SYN3: variants seen among roughly 807,000 people sequenced by gnomAD.
The protein encoded by SYN3 is synapsin-3.
Under a neutral mutation model 65.8 loss-of-function variants are expected in SYN3, and 35 were observed. The ratio of observed to expected loss-of-function variants is 0.53; its 90% CI spans 0.41 to 0.70. The LOEUF (loss-of-function observed/expected upper bound fraction) is 0.70, where lower values mean the gene tolerates loss of function less well. Ranked by LOEUF, SYN3 falls within the 30% of genes least tolerant of loss-of-function variation. The pLI is 0.00. For missense variants in SYN3, 680 were observed against 749.0 expected (o/e 0.91, Z 1.08); for synonymous variants, 270 against 292.9 (o/e 0.92, Z 0.80).
rs1397302935 is a variant in SYN3, at chr22:32,509,195, G to C, written c.*4497C>G. Among the ~76,000 whole-genome samples the C allele has an allele frequency of 1.3e-5, 2 of 152,154 alleles. No individual in the cohort carries two copies. The highest frequency in any genetic ancestry group is 4.8e-5 in the African/African-American group (2 of 41,428). ...GAAGATCTGGAAGAACTTTTCTGTG[G>C]CTGGTAGAGCTGTCCGCTAAGGCTG... On this transcript the variant is annotated 3_prime_UTR_variant, in exon 14 of 14. Transcript: ENST00000358763.
intron 3 of SYN3, among the ~76,000 whole-genome samples, chr22:32,936,242 TC>T (rs2050772919): frequency 6.6e-6 from 1 of 152,132 alleles, no homozygotes; most frequent in African/African-American, 2.4e-5. Flanking sequence ...GCATTACATA[TC>T]AGTTTTCAGG....
rs539250324 is a variant in SYN3, at chr22:32,812,520, T to C, written c.711+52395A>G. ...TGATTGTGGGAGGGCTTGGTAAAAA[T>C]TGAACCTCATTAACACCACTGAAGA... On this transcript the variant is annotated intron_variant, in intron 6 of 13. Transcript: ENST00000358763. Among the ~76,000 whole-genome samples, 53 of 152,202 alleles carry C rather than the reference T, an allele frequency of 3.5e-4. No homozygotes were observed. In the South Asian group the frequency reaches 9.5e-3, roughly 27 times the overall value.
chr22:32,631,271 G>C (rs936369586), intron 6 of SYN3, among the ~76,000 whole-genome samples: 5 of 150,946 alleles, frequency 3.3e-5, no homozygotes, highest in African/African-American at 1.2e-4. Context: ...CTCCAGCCTG[G>C]GTGACAAGAG....
intron 6 of SYN3, among the ~76,000 whole-genome samples, chr22:32,763,093 T>TA (rs1278931929): frequency 6.6e-6 from 1 of 152,216 alleles, no homozygotes; most frequent in Non-Finnish European, 1.5e-5. Context: ...ATCTTTTTTT[T>TA]AAAGTGTAAC....
intron 1 of SYN3, chr22:33,057,874 G>A (rs1417988196): frequency 6.6e-6 from 1 of 152,330 alleles, no homozygotes; most frequent in African/African-American, 2.4e-5. Flanking sequence ...CAGGTCATGA[G>A]GGGTCTGGGG....
intron 11 of SYN3, among the ~76,000 whole-genome samples, 154 bp from the exon 12 acceptor site, chr22:32,528,159 A>G (rs938893933): frequency 6.6e-6 from 1 of 152,230 alleles, no homozygotes; most frequent in Admixed American, 6.5e-5. Context: ...GTGAAGTTCT[A>G]TATGTGTATA....
chr22:32,897,751 C>T (rs561539434), intron 4 of SYN3, among the ~76,000 whole-genome samples: 38 of 152,292 alleles, frequency 2.5e-4, no homozygotes, highest in South Asian at 1.0e-3. Flanking sequence ...AAATGCCTGG[C>T]ATGTAGTGAG....
At chr22:32,805,019 G>A (rs1217755737) in intron 6 of SYN3, among the ~76,000 whole-genome samples, 4 of 48,428 alleles carry the variant, frequency 8.3e-5, no homozygotes, top group African/African-American at 2.4e-4. Context: ...GAAAATGTGC[G>A]TGTGTGCGTG....
At chr22:33,054,749 C>G (rs115049357) in intron 1 of SYN3, among the ~76,000 whole-genome samples, 2,181 of 152,350 alleles carry the variant, frequency 0.014, 62 homozygotes, top group African/African-American at 0.049. Context: ...ATTAGTACTT[C>G]ACTCCTTGTT....
chr22:32,634,846 G>A (rs1476929877), intron 6 of SYN3, among the ~76,000 whole-genome samples: 2 of 152,184 alleles, frequency 1.3e-5, no homozygotes, highest in South Asian at 2.1e-4. Flanking sequence ...CTTGTGGCCC[G>A]CCGGCCATGT....
At chr22:32,780,630 C>T (rs1281890314) in intron 6 of SYN3, among the ~76,000 whole-genome samples, 1 of 152,114 alleles carries the variant, frequency 6.6e-6, no homozygotes, top group African/African-American at 2.4e-5. Flanking sequence ...TTGCTGTTTT[C>T]GTCACTGGCT....
At chr22:32,920,147 C>T (rs1218047831) in intron 4 of SYN3, among the ~76,000 whole-genome samples, 1 of 152,230 alleles carries the variant, frequency 6.6e-6, no homozygotes, top group African/African-American at 2.4e-5. Flanking sequence ...TGCACATTAT[C>T]AGCCGCTGCG....
chr22:32,974,139 T>C (rs1417725979), intron 3 of SYN3, among the ~76,000 whole-genome samples: 1 of 152,222 alleles, frequency 6.6e-6, no homozygotes. Context: ...AGATTATGCA[T>C]GTCAAGTGCT....
intron 4 of SYN3, among the ~76,000 whole-genome samples, chr22:32,879,020 A>G (rs1441431377): frequency 6.6e-6 from 1 of 152,156 alleles, no homozygotes; most frequent in Non-Finnish European, 1.5e-5. Context: ...GAAAATCACT[A>G]TACTGACTGG....
At chr22:32,578,789 C>T (rs566287203) in intron 7 of SYN3, among the ~76,000 whole-genome samples, 61 of 152,236 alleles carry the variant, frequency 4.0e-4, no homozygotes, top group African/African-American at 1.4e-3. Context: ...TTTGGAAAAG[C>T]ATTGTGTTAG....
chr22:33,000,427 G>A lies in SYN3; in HGVS notation c.311+5925C>T, dbSNP rs989195920. 2.6e-5 allele frequency among the ~76,000 whole-genome samples: 4 copies of A among 152,138 alleles called. 1 individual carries two copies. The highest frequency in any genetic ancestry group is 2.6e-4 in the Admixed American group (4 of 15,278). ...CCTGAAGATGAAAGGTCTCTCTCCA[G>A]GTCACTGGCCAGGTTTTGGATCGTC... On this transcript the variant is annotated intron_variant, in intron 2 of 13. Coordinates refer to ENST00000358763, the MANE Select transcript of SYN3 (RefSeq NM_003490.4).
chr22:32,593,391 T>C (rs2059154534), intron 7 of SYN3, among the ~76,000 whole-genome samples: 1 of 152,184 alleles, frequency 6.6e-6, no homozygotes, highest in Non-Finnish European at 1.5e-5. Context: ...AGTTTAATTC[T>C]TGGGAATGCT....
At position 32,647,763 on chromosome 22, in the gene SYN3, C is replaced by A. The variant is rs550642947; in HGVS notation, c.712-51027G>T. ...AGCTGGGATTACAGGTGCGCGCCAC[C>A]ATATCTGGCTAATTTTTGTATTCTT... On this transcript the variant is annotated intron_variant, in intron 6 of 13. Transcript: ENST00000358763. Among the ~76,000 whole-genome samples, 3 of 152,244 alleles carry A rather than the reference C, an allele frequency of 2.0e-5. 1 individual carries two copies. The South Asian group carries it at 6.2e-4, about 32-fold the overall frequency.
intron 7 of SYN3, among the ~76,000 whole-genome samples, chr22:32,585,993 TATATATGTATGTATGTATAC>T (rs2059025682): frequency 2.4e-5 from 2 of 82,816 alleles, no homozygotes; most frequent in Admixed American, 1.3e-4. Context: ...TATGTATACG[TATATATGTATGTATGTATAC>T]GTATATATGT....
Sources: allele counts gnomAD v4.1 joint callset (sites outside exome capture counted in the v4.1 genomes callset), GRCh38; gene constraint gnomAD v4.1.1; transcripts MANE v1.5; gene names NCBI Gene and HGNC (gene_info 2026-07-23, HGNC 2026-07-21).